Variants in PRUNE2 observed in about 807,000 individuals in gnomAD.
PRUNE2 encodes protein prune homolog 2.
Under a neutral mutation model 252.0 loss-of-function variants are expected in PRUNE2, and 164 were observed. The ratio of observed to expected loss-of-function variants is 0.65; its 90% CI spans 0.57 to 0.74. The LOEUF (loss-of-function observed/expected upper bound fraction) is 0.74, where lower values mean the gene tolerates loss of function less well. PRUNE2 is among the 30% of genes least tolerant of loss of function. The pLI is 0.00. For synonymous variants in PRUNE2, 1,292 were observed against 1,350.2 expected (o/e 0.96, Z 0.94); for missense variants, 3,495 against 3,711.0 (o/e 0.94, Z 1.51).
At chr9:76,720,513 T>C (rs1290426627) in intron 6 of PRUNE2, among the ~76,000 whole-genome samples, 1 of 152,176 alleles carries the variant, frequency 6.6e-6, no homozygotes, top group African/African-American at 2.4e-5. Flanking sequence ...CATAGGACTG[T>C]TGTGAGAACT....
chr9:76,855,568 T>C (rs1333112350), intron 1 of PRUNE2, among the ~76,000 whole-genome samples: 1 of 152,218 alleles, frequency 6.6e-6, no homozygotes, highest in Non-Finnish European at 1.5e-5. Flanking sequence ...ACGCAATAGG[T>C]TGTGGCTCAA....
intron 17 of PRUNE2, among the ~76,000 whole-genome samples, chr9:76,619,994 G>A (rs1466885142): frequency 6.6e-6 from 1 of 152,034 alleles, no homozygotes; most frequent in East Asian, 1.9e-4. Flanking sequence ...ATAAATAAAA[G>A]TGTTTTTATG....
At chr9:76,770,630 C>T (rs940646189) in intron 6 of PRUNE2, among the ~76,000 whole-genome samples, 14 of 152,230 alleles carry the variant, frequency 9.2e-5, no homozygotes, top group African/African-American at 3.1e-4. Flanking sequence ...CAAAATCCTG[C>T]AAAACTGTTG....
intron 6 of PRUNE2, among the ~76,000 whole-genome samples, chr9:76,742,884 T>G (rs982045853): frequency 6.6e-6 from 1 of 152,160 alleles, no homozygotes; most frequent in Non-Finnish European, 1.5e-5. Context: ...AAGTTGATAA[T>G]AGTGAGAGTC....
chr9:76,646,843 C>A (rs1219264387), intron 11 of PRUNE2, among the ~76,000 whole-genome samples: 1 of 152,052 alleles, frequency 6.6e-6, no homozygotes, highest in South Asian at 2.1e-4. Flanking sequence ...GTGGGGTGAA[C>A]GTAGGGTTGT....
In PRUNE2 at chr9:76,708,954, G is replaced by C; in HGVS notation, c.3320C>G (p.Thr1107Arg). 6.2e-7 allele frequency: 1 copy of C among 1,613,982 alleles called. No individual in the cohort carries two copies. Among genetic ancestry groups the C allele is most frequent in the Non-Finnish European group, 8.5e-7 (1 of 1,179,882 alleles). ...LLHSSTNSRQ[T>R]APDSLDLWNR... is the part of the protein sequence containing the mutation. ...CCACAAGTCGAGACTGTCAGGGGCC[G>C]TCTGCCGGGAGTTGGTGCTGCTGTG... The change falls in exon 8 of 19, where the codon ACG becomes AGG. Residue 1107 changes from threonine (T) to arginine (R), a missense_variant. Coordinates refer to ENST00000376718, the MANE Select transcript of PRUNE2 (RefSeq NM_015225.3).
intron 6 of PRUNE2, among the ~76,000 whole-genome samples, chr9:76,755,368 G>C (rs927106983): frequency 6.6e-6 from 1 of 152,136 alleles, no homozygotes; most frequent in Non-Finnish European, 1.5e-5. Context: ...CCGATGGAGA[G>C]AGAGAATGAG....
chr9:76,717,682 C>A (rs956701646), intron 6 of PRUNE2, among the ~76,000 whole-genome samples: 4 of 152,018 alleles, frequency 2.6e-5, no homozygotes, highest in African/African-American at 9.7e-5. Flanking sequence ...TACCACCCCC[C>A]CCACCAGCCA....
At chr9:76,728,552 A>C (rs531910104) in intron 6 of PRUNE2, among the ~76,000 whole-genome samples, 2 of 152,226 alleles carry the variant, frequency 1.3e-5, no homozygotes, top group African/African-American at 2.4e-5. Flanking sequence ...TACATCAGTG[A>C]TTCTAGTTTC....
chr9:76,788,236 T>A (rs1283589598), intron 6 of PRUNE2: 4 of 528,730 alleles, frequency 7.6e-6, no homozygotes, highest in Non-Finnish European at 1.3e-5. Flanking sequence ...GACATAAGAG[T>A]CAAAACACCA....
chr9:76,875,566 A>G (rs2061430903), intron 1 of PRUNE2, among the ~76,000 whole-genome samples: 1 of 151,962 alleles, frequency 6.6e-6, no homozygotes, highest in South Asian at 2.1e-4. Flanking sequence ...GGGTTTCACC[A>G]TATTGGCCAG....
At chr9:76,789,808 A>G (rs1460846305) in intron 6 of PRUNE2, among the ~76,000 whole-genome samples, 1 of 152,052 alleles carries the variant, frequency 6.6e-6, no homozygotes, top group Non-Finnish European at 1.5e-5. Flanking sequence ...ACCAGGAATT[A>G]TTGTCTACGA....
intron 6 of PRUNE2, chr9:76,784,926 A>G (rs1007261783): frequency 6.6e-6 from 1 of 151,996 alleles, no homozygotes. Context: ...TTTTTTTTTT[A>G]ACCTGGAAGA....
Position 76,709,412 on chromosome 9 carries a change from T to C in PRUNE2, c.2862A>G (p.Leu954=), listed in dbSNP as rs2046549439. The change falls in exon 8 of 19, where the codon CTA becomes CTG. Residue 954 remains leucine (L), a synonymous_variant. Transcript: ENST00000376718. ...YKCSDYSASN[L]GEDSVPSPLD... ...AGGGGGAAGGCACCGAATCTTCTCCTAGGTTGGATGCACTGTAATCAGAAC... is the reference window on the plus strand; with the variant it reads ...AGGGGGAAGGCACCGAATCTTCTCCCAGGTTGGATGCACTGTAATCAGAAC... 2 of 1,613,914 alleles carry C rather than the reference T, an allele frequency of 1.2e-6. No individual in the cohort carries two copies. The highest frequency in any genetic ancestry group is 3.3e-5 in the Admixed American group (2 of 60,014).
chr9:76,748,729 G>C (rs1285007881), intron 6 of PRUNE2: 1 of 152,266 alleles, frequency 6.6e-6, no homozygotes, highest in East Asian at 1.9e-4. Context: ...CATTAGAAGA[G>C]GTGAGTGGGT....
In PRUNE2 at chr9:76,819,790, G is replaced by A. The variant is rs568105119; in HGVS notation, c.756+3842C>T. ...GCAAGGGAACCATTAATGTACTGCC[G>A]TGAGCAACCTTGCTTCAGTGGCACT... On this transcript the variant is annotated intron_variant, in intron 6 of 18. Transcript: ENST00000376718. 2.6e-5 allele frequency among the ~76,000 whole-genome samples: 4 copies of A among 152,258 alleles called. No homozygotes were observed. The South Asian group carries it at 6.2e-4, about 24-fold the overall frequency.
intron 6 of PRUNE2, among the ~76,000 whole-genome samples, chr9:76,730,239 C>T (rs144560635): frequency 7.5e-4 from 114 of 152,232 alleles, no homozygotes; most frequent in South Asian, 2.7e-3. Flanking sequence ...GATGAGTATA[C>T]GTTACAGGGT....
chr9:76,799,358 A>T (rs75769900), intron 6 of PRUNE2, among the ~76,000 whole-genome samples: 1 of 152,008 alleles, frequency 6.6e-6, no homozygotes, highest in Admixed American at 6.6e-5. Flanking sequence ...AAAAAAAAAA[A>T]AATCAGTGAT....
chr9:76,670,994 G>A (rs7856516), intron 9 of PRUNE2, among the ~76,000 whole-genome samples: 11,115 of 152,222 alleles, frequency 0.073, 468 homozygotes, highest in African/African-American at 0.1. Context: ...AAAGCAGAGC[G>A]CCTCTCCTCC....
Sources: gnomAD v4.1 joint callset for allele counts (sites outside exome capture counted in the v4.1 genomes callset) on GRCh38, gnomAD v4.1.1 for gene constraint, MANE v1.5 for transcripts, NCBI Gene and HGNC (gene_info 2026-07-23, HGNC 2026-07-21) for gene names.